The following SLC35F3 variants were observed in gnomAD, a reference collection of about 807,000 sequenced individuals.
SLC35F3 encodes the protein putative thiamine transporter SLC35F3.
A neutral mutation model predicts 49.9 loss-of-function variants in SLC35F3; 25 were observed. The ratio of observed to expected loss-of-function variants is 0.50; its 90% CI spans 0.37 to 0.70. SLC35F3 has a LOEUF of 0.70. Among genes scored for constraint, SLC35F3 ranks in the 30% least tolerant of loss-of-function variants. The pLI is 0.00. For synonymous variants in SLC35F3, 275 were observed against 265.4 expected (o/e 1.04, Z -0.35); for missense variants, 525 against 639.8 (o/e 0.82, Z 1.94).
chr1:234,100,653 A>G lies in SLC35F3; in HGVS notation c.284-130764A>G, dbSNP rs113928231. On this transcript the variant is annotated intron_variant, in intron 2 of 7. Coordinates refer to ENST00000366618, the MANE Select transcript of SLC35F3 (RefSeq NM_173508.4). ...TTGGAAATAAATAGATTAAAAGTGT[A>G]GATACACATATGCACATTAATACTC... Among the ~76,000 whole-genome samples the G allele has an allele frequency of 6.4e-3, 970 of 152,350 alleles. 12 individuals carry two copies. Among genetic ancestry groups the G allele is most frequent in the South Asian group, 0.023 (109 of 4,830 alleles).
chr1:234,190,850 G>A (rs528072069), intron 2 of SLC35F3, among the ~76,000 whole-genome samples: 20 of 152,220 alleles, frequency 1.3e-4, no homozygotes, highest in East Asian at 7.7e-4. Context: ...GCTTGAGACC[G>A]TCATTACAAG....
At chr1:233,980,305 C>T (rs1323830014) in intron 2 of SLC35F3, among the ~76,000 whole-genome samples, 4 of 152,208 alleles carry the variant, frequency 2.6e-5, no homozygotes. Flanking sequence ...TCTCAAAAGC[C>T]TCACAATACA....
intron 2 of SLC35F3, among the ~76,000 whole-genome samples, chr1:234,012,076 G>A (rs888853205): frequency 9.9e-5 from 15 of 152,190 alleles, no homozygotes; most frequent in Admixed American, 9.8e-4. Flanking sequence ...GAAAACATGT[G>A]AGCAAAAGAA....
intron 2 of SLC35F3, among the ~76,000 whole-genome samples, chr1:233,954,037 C>T (rs928679713): frequency 1.3e-4 from 20 of 148,912 alleles, no homozygotes; most frequent in East Asian, 8.0e-4. Context: ...GACGGAGTCT[C>T]GCTCTGTCAT....
chr1:234,093,634 T>C (rs1017863246), intron 2 of SLC35F3, among the ~76,000 whole-genome samples: 1 of 152,356 alleles, frequency 6.6e-6, no homozygotes, highest in Middle Eastern at 3.4e-3. Context: ...AGGGGAACCC[T>C]TGGAGGAAAT....
At chr1:234,118,509 G>C (rs1307913483) in intron 2 of SLC35F3, among the ~76,000 whole-genome samples, 2 of 152,152 alleles carry the variant, frequency 1.3e-5, no homozygotes, top group Non-Finnish European at 2.9e-5. Flanking sequence ...CAGTTTTAGA[G>C]GGTTGTAGAA....
chr1:234,145,521 T>C (rs1378919042), intron 2 of SLC35F3, among the ~76,000 whole-genome samples: 1 of 152,180 alleles, frequency 6.6e-6, no homozygotes, highest in Non-Finnish European at 1.5e-5. Context: ...ATGCAGTCAG[T>C]ACTCCATATC....
chr1:234,230,402 C>G (rs938726512), intron 2 of SLC35F3, among the ~76,000 whole-genome samples: 15 of 151,982 alleles, frequency 9.9e-5, no homozygotes, highest in African/African-American at 2.9e-4. Context: ...CATCTCCTCC[C>G]CTAGAGTGAA....
chr1:233,917,473 A>G (rs1005690154), intron 2 of SLC35F3, among the ~76,000 whole-genome samples: 7 of 152,292 alleles, frequency 4.6e-5, no homozygotes, highest in South Asian at 2.1e-4. Context: ...TCACGCAACA[A>G]TGAAGATTTT....
intron 2 of SLC35F3, among the ~76,000 whole-genome samples, chr1:234,184,087 G>T (rs1203216545): frequency 1.3e-5 from 2 of 151,264 alleles, no homozygotes; most frequent in Non-Finnish European, 2.9e-5. Flanking sequence ...CTGTTTTAAG[G>T]ATATTGTTCT....
intron 2 of SLC35F3, among the ~76,000 whole-genome samples, chr1:234,022,403 A>G (rs1663909344): frequency 6.6e-6 from 1 of 152,310 alleles, no homozygotes; most frequent in Middle Eastern, 3.4e-3. Context: ...GAAAGAGTCA[A>G]CGCTGCAGCT....
intron 2 of SLC35F3, among the ~76,000 whole-genome samples, chr1:233,917,109 T>G (rs1425043880): frequency 6.6e-6 from 1 of 152,188 alleles, no homozygotes; most frequent in Non-Finnish European, 1.5e-5. Context: ...ACAAGACATA[T>G]ACATCTCGAT....
At chr1:234,310,756 G>A (rs1218230360) in intron 4 of SLC35F3, among the ~76,000 whole-genome samples, 1 of 152,212 alleles carries the variant, frequency 6.6e-6, no homozygotes, top group African/African-American at 2.4e-5. Context: ...TTCCTGGGAA[G>A]AGAAGCTTCA....
chr1:234,099,456 A>AAAAATT (rs1382397517), intron 2 of SLC35F3, among the ~76,000 whole-genome samples: 3 of 152,042 alleles, frequency 2.0e-5, no homozygotes, highest in Admixed American at 6.6e-5. Context: ...CTAAAAATAC[A>AAAAATT]AAAATTAGCT....
At chr1:234,017,444 T>A (rs1476245902) in intron 2 of SLC35F3, among the ~76,000 whole-genome samples, 1 of 152,024 alleles carries the variant, frequency 6.6e-6, no homozygotes, top group Non-Finnish European at 1.5e-5. Context: ...CCGGGCGCAG[T>A]GGCTCATGCA....
At chr1:234,287,153 C>T (rs1668435206) in intron 3 of SLC35F3, among the ~76,000 whole-genome samples, 1 of 152,072 alleles carries the variant, frequency 6.6e-6, no homozygotes, top group African/African-American at 2.4e-5. Flanking sequence ...GAGCTATGAT[C>T]AATCCACTGC....
At chr1:234,221,555 C>T (rs6667307) in intron 2 of SLC35F3, among the ~76,000 whole-genome samples, 25,042 of 152,072 alleles carry the variant, frequency 0.16, 3,181 homozygotes, top group African/African-American at 0.35. Flanking sequence ...CATCGTTTGC[C>T]GCAAATGATG....
At chr1:233,917,318 C>G (rs1394957321) in intron 2 of SLC35F3, among the ~76,000 whole-genome samples, 1 of 152,222 alleles carries the variant, frequency 6.6e-6, no homozygotes, top group East Asian at 1.9e-4. Context: ...CCATAAACAG[C>G]TTCTTAGCTA....
chr1:234,033,909 G>T (rs574055170), intron 2 of SLC35F3, among the ~76,000 whole-genome samples: 29 of 152,282 alleles, frequency 1.9e-4, no homozygotes, highest in Non-Finnish European at 4.1e-4. Context: ...ATGGTGTTTT[G>T]ATGGGAATCG....
Sources: gnomAD v4.1 joint callset for allele counts (sites outside exome capture counted in the v4.1 genomes callset) on GRCh38, gnomAD v4.1.1 for gene constraint, MANE v1.5 for transcripts, NCBI Gene and HGNC (gene_info 2026-07-23, HGNC 2026-07-21) for gene names.